Variants in ZFYVE9 observed in about 807,000 individuals in gnomAD.
ZFYVE9 encodes zinc finger FYVE-type containing 9.
ZFYVE9 carries 43 observed loss-of-function variants against 126.7 expected under a neutral mutation model. The observed-to-expected ratio is 0.34, with a 90% CI of 0.27 to 0.44. The LOEUF is 0.44. Among genes scored for constraint, ZFYVE9 ranks in the 20% least tolerant of loss-of-function variants. The pLI is 1.00. For missense variants in ZFYVE9, 1,476 were observed against 1,697.0 expected (o/e 0.87, Z 2.29); for synonymous variants, 521 against 597.4 (o/e 0.87, Z 1.87).
chr1:52,332,511 A>G (rs538812310), intron 13 of ZFYVE9, among the ~76,000 whole-genome samples: 2 of 152,290 alleles, frequency 1.3e-5, no homozygotes, highest in Non-Finnish European at 2.9e-5. Flanking sequence ...CAGCAATAAG[A>G]CAAAAAGTGA....
At position 52,265,324 on chromosome 1, in the gene ZFYVE9, A is replaced by C. The variant is rs1006240021; in HGVS notation, c.2279-1331A>C. Among the ~76,000 whole-genome samples, 3 of 152,240 alleles carry C rather than the reference A, an allele frequency of 2.0e-5. No individual in the cohort carries two copies. The East Asian group carries it at 5.8e-4, about 29-fold the overall frequency. Reference sequence around the variant, plus strand: ...TCTTTCTGCCAGTGCTTTCAAAGGAACATAGCTTTTGTTACTAGCCTTGTC... The same window carrying C: ...TCTTTCTGCCAGTGCTTTCAAAGGACCATAGCTTTTGTTACTAGCCTTGTC... On this transcript the variant is annotated intron_variant, in intron 5 of 18. Coordinates refer to ENST00000287727, the MANE Select transcript of ZFYVE9 (RefSeq NM_004799.4).
At chr1:52,239,989 A>G (rs1229414627) in intron 4 of ZFYVE9, among the ~76,000 whole-genome samples, 1 of 152,248 alleles carries the variant, frequency 6.6e-6, no homozygotes, top group Admixed American at 6.5e-5. Flanking sequence ...ACAAAAAATA[A>G]AAATAAAAAT....
chr1:52,279,732 G>C (rs145529802), intron 9 of ZFYVE9, among the ~76,000 whole-genome samples: 4,059 of 152,214 alleles, frequency 0.027, 120 homozygotes, highest in Admixed American at 0.092. Flanking sequence ...GTCTCCCAAA[G>C]TGCTGGGATT....
At chr1:52,168,375 C>A (rs1441462275) in intron 1 of ZFYVE9, among the ~76,000 whole-genome samples, 1 of 151,934 alleles carries the variant, frequency 6.6e-6, no homozygotes, top group Non-Finnish European at 1.5e-5. Flanking sequence ...CACCACCACA[C>A]CCGGCTAGAT....
chr1:52,254,322 T>C (rs1645481899), intron 4 of ZFYVE9: 1 of 156,656 alleles, frequency 6.4e-6, no homozygotes, highest in Non-Finnish European at 1.4e-5. Flanking sequence ...GTAATTTTGA[T>C]AAATTTGGGT....
intron 1 of ZFYVE9, among the ~76,000 whole-genome samples, chr1:52,148,774 G>A (rs1161135880): frequency 1.3e-5 from 2 of 150,362 alleles, no homozygotes; most frequent in Non-Finnish European, 3.0e-5. Flanking sequence ...CCCTGGTAGC[G>A]GGGACTACAG....
chr1:52,344,515 T>C (rs1333354157), intron 17 of ZFYVE9, among the ~76,000 whole-genome samples: 2 of 152,152 alleles, frequency 1.3e-5, no homozygotes, highest in Admixed American at 1.3e-4. Flanking sequence ...ATTGCAACCA[T>C]GGAGGCTTGC....
At chr1:52,205,403 C>G (rs1418121584) in intron 1 of ZFYVE9, among the ~76,000 whole-genome samples, 1 of 151,902 alleles carries the variant, frequency 6.6e-6, no homozygotes, top group East Asian at 1.9e-4. Context: ...GATGGGGTTT[C>G]ACTCTGTTGC....
intron 1 of ZFYVE9, among the ~76,000 whole-genome samples, chr1:52,193,469 G>A (rs1644833371): frequency 6.6e-6 from 1 of 150,590 alleles, no homozygotes; most frequent in Non-Finnish European, 1.5e-5. Flanking sequence ...CATTTTGGGA[G>A]GCCAAGGCAG....
intron 1 of ZFYVE9, among the ~76,000 whole-genome samples, chr1:52,156,430 T>C (rs536685321): frequency 1.3e-5 from 2 of 152,308 alleles, no homozygotes; most frequent in Non-Finnish European, 2.9e-5. Flanking sequence ...CACTCATCAT[T>C]GCCATTCCCT....
At chr1:52,196,641 A>AAAATTGGT (rs1644863302) in intron 1 of ZFYVE9, among the ~76,000 whole-genome samples, 1 of 152,298 alleles carries the variant, frequency 6.6e-6, no homozygotes, top group East Asian at 1.9e-4. Context: ...GGTCTCAGAA[A>AAAATTGGT]AAATTGGTAA....
chr1:52,186,426 T>G (rs1644766370), intron 1 of ZFYVE9, among the ~76,000 whole-genome samples: 1 of 152,102 alleles, frequency 6.6e-6, no homozygotes, highest in African/African-American at 2.4e-5. Context: ...AGGATGCCCT[T>G]TTTCACTACT....
chr1:52,340,172 G>A lies in ZFYVE9; in HGVS notation c.3880G>A (p.Val1294Met), dbSNP rs1646421588. The A allele has an allele frequency of 1.9e-6, 3 of 1,613,836 alleles. No individual in the cohort carries two copies. The highest frequency in any genetic ancestry group is 2.5e-6 in the Non-Finnish European group (3 of 1,179,724). The change falls in exon 17 of 19, where the codon GTG (valine) becomes ATG (methionine). Residue 1294 changes from valine to methionine, a missense_variant. Physicochemically the swap from Val to Met is conservative, Grantham distance 21. Transcript: ENST00000287727. ...GAAGTCCATGGAGACTATAACAAAT[G>A]TGAAGATATTCCATGGATCAGAATA... ...DGKSMETITN[V>M]KIFHGSEYKA...
chr1:52,161,532 C>T (rs1285601040), intron 1 of ZFYVE9, among the ~76,000 whole-genome samples: 1 of 152,142 alleles, frequency 6.6e-6, no homozygotes, highest in East Asian at 1.9e-4. Context: ...CTCAGGCAAT[C>T]CGCCTGCCTC....
intron 1 of ZFYVE9, among the ~76,000 whole-genome samples, chr1:52,189,233 A>G (rs1471163615): frequency 7.0e-6 from 1 of 142,594 alleles, no homozygotes; most frequent in African/African-American, 2.6e-5. Context: ...CACCATGCCC[A>G]GCCTATTTTT....
At chr1:52,317,434 A>T (rs1646196263) in intron 13 of ZFYVE9, among the ~76,000 whole-genome samples, 1 of 151,848 alleles carries the variant, frequency 6.6e-6, no homozygotes, top group African/African-American at 2.4e-5. Context: ...GTAACTCGAG[A>T]TCACGCCATT....
At chr1:52,303,086 G>A (rs1646050815) in intron 12 of ZFYVE9, among the ~76,000 whole-genome samples, 1 of 152,144 alleles carries the variant, frequency 6.6e-6, no homozygotes, top group South Asian at 2.1e-4. Context: ...CTCCAGCTCG[G>A]GCAACAGAGT....
intron 13 of ZFYVE9, 148 bp downstream of exon 13, chr1:52,304,073 T>G: frequency 2.1e-6 from 1 of 467,912 alleles, no homozygotes; most frequent in East Asian, 3.9e-5. Flanking sequence ...TATGGGGAAT[T>G]TCATTACAGG....
chr1:52,194,129 A>G (rs1644840318), intron 1 of ZFYVE9, among the ~76,000 whole-genome samples: 1 of 152,294 alleles, frequency 6.6e-6, no homozygotes, highest in East Asian at 1.9e-4. Flanking sequence ...AAAGTAGTTT[A>G]TCTGGAAAGA....
Sources: gnomAD v4.1 joint callset for allele counts (sites outside exome capture counted in the v4.1 genomes callset) on GRCh38, gnomAD v4.1.1 for gene constraint, MANE v1.5 for transcripts, NCBI Gene and HGNC (gene_info 2026-07-23, HGNC 2026-07-21) for gene names.